CYP2J2: variants seen among roughly 807,000 people sequenced by gnomAD.
The protein encoded by CYP2J2 is cytochrome P450 2J2.
In CYP2J2, 41 loss-of-function variants were observed where a neutral mutation model predicts 48.8. The observed-to-expected ratio is 0.84, with a 90% confidence interval of 0.66 to 1.09. CYP2J2 has a LOEUF of 1.09. CYP2J2 is among the 50% of genes least tolerant of loss of function. The pLI, the probability that CYP2J2 is intolerant of heterozygous loss-of-function variation, is 0.00. For synonymous variants in CYP2J2, 221 were observed against 227.1 expected, an observed-to-expected ratio of 0.97 and a Z score of 0.24; for missense variants, 644 against 617.3, an observed-to-expected ratio of 1.04 and a Z score of -0.46.
rs777261726 is a variant in CYP2J2 at position 59,912,190 on chromosome 1, G to C, written c.495C>G (p.His165Gln). Residue 165 changes from histidine to glutamine, a missense_variant, in exon 3 of 9, where the codon CAC becomes CAG. By Grantham distance (24) the His-to-Gln change is conservative. Coordinates refer to ENST00000371204, the MANE Select transcript of CYP2J2 (RefSeq NM_000775.4). Reference protein sequence around the residue: ...LEERIQEEAQHLTEAIKEENG... With the variant: ...LEERIQEEAQQLTEAIKEENG... ...TCTCCTCTTTTATTGCTTCAGTGAG[G>C]TGTTGGGCCTCCTCCTGAATGCGTT... 6.2e-7 allele frequency: 1 copy of C among 1,613,744 alleles called. No homozygotes were observed. Among genetic ancestry groups the C allele is most frequent in the Non-Finnish European group, 8.5e-7 (1 of 1,179,798 alleles).
At chr1:59,906,122 C>T (rs1332531239) in intron 6 of CYP2J2, among the ~76,000 whole-genome samples, 1 of 152,126 alleles carries the variant, frequency 6.6e-6, no homozygotes, top group African/African-American at 2.4e-5. Flanking sequence ...GGAGGCAGAG[C>T]TTGCAGTGAG....
At chr1:59,894,915 G>GTGATAC (rs1187945286) in intron 8 of CYP2J2, among the ~76,000 whole-genome samples, 1 of 152,138 alleles carries the variant, frequency 6.6e-6, no homozygotes, top group Non-Finnish European at 1.5e-5. Flanking sequence ...ATTCTTTACT[G>GTGATAC]TGATACTTTC....
the CYP2J2 span, among the ~76,000 whole-genome samples, chr1:59,955,241 TATATATATATCC>T: frequency 0.081 from 11,048 of 136,976 alleles, 1,155 homozygotes; most frequent in African/African-American, 0.25. Flanking sequence ...CGAATAAGGA[TATATATATATCC>T]ATATATATAT....
In CYP2J2 at chr1:59,893,705, C is replaced by T; in HGVS notation, c.1455G>A (p.Met485Ile). ...NNEKLSLKFR[M>I]GITISPVSHR... The stretch of plus-strand genomic sequence containing the variant: ...GACTGACTGGGGAAATGGTGATACC[C>T]ATTCTAAACTTCAGGCTCAGCTTCT... The change falls in exon 9 of 9, where the codon ATG becomes ATA. Residue 485 changes from methionine to isoleucine, a missense_variant. Met to Ile is a conservative substitution (Grantham distance 10). Coordinates refer to ENST00000371204, the MANE Select transcript of CYP2J2 (RefSeq NM_000775.4). 6.2e-7 allele frequency: 1 copy of T among 1,613,418 alleles called. No individual in the cohort carries two copies.
the CYP2J2 span, among the ~76,000 whole-genome samples, chr1:59,945,430 CTA>C: frequency 1.7e-4 from 25 of 143,656 alleles, no homozygotes; most frequent in South Asian, 4.0e-3. Flanking sequence ...ATCTATCTAT[CTA>C]TCTATCTATC....
At chr1:59,915,657 A>G (rs1333738234) in intron 2 of CYP2J2, among the ~76,000 whole-genome samples, 2 of 152,206 alleles carry the variant, frequency 1.3e-5, no homozygotes, top group African/African-American at 4.8e-5. Flanking sequence ...TTCCTCTGCT[A>G]TAAATGGGTA....
chr1:59,894,478 A>G (rs556212041), intron 8 of CYP2J2, among the ~76,000 whole-genome samples: 19 of 152,258 alleles, frequency 1.2e-4, no homozygotes, highest in African/African-American at 4.3e-4. Flanking sequence ...GACACCTAGC[A>G]TTGCCCTGAC....
At chr1:59,967,032 T>C in the CYP2J2 span, among the ~76,000 whole-genome samples, 1 of 152,096 alleles carries the variant, frequency 6.6e-6, no homozygotes, top group African/African-American at 2.4e-5. Context: ...TATCCAACCT[T>C]CTCTGTTTTT....
the CYP2J2 span, among the ~76,000 whole-genome samples, chr1:59,956,726 T>A: frequency 1.3e-5 from 2 of 152,134 alleles, no homozygotes; most frequent in Non-Finnish European, 2.9e-5. Flanking sequence ...AAAAAATAAT[T>A]TTAAAAGGAA....
chr1:59,968,940 T>G, the CYP2J2 span, among the ~76,000 whole-genome samples: 1,717 of 152,232 alleles, frequency 0.011, 28 homozygotes, highest in African/African-American at 0.039. Flanking sequence ...CGGGGTTTCT[T>G]CCTTCTGGTG....
Position 59,901,045 on chromosome 1 carries a change from G to T in CYP2J2, c.1250C>A (p.Thr417Asn). 1 of 1,614,164 alleles carries T rather than the reference G, an allele frequency of 6.2e-7. No individual in the cohort carries two copies. Among genetic ancestry groups the T allele is most frequent in the Non-Finnish European group, 8.5e-7 (1 of 1,179,996 alleles). The part of the protein sequence containing the change: ...ALHRDPTEWA[T>N]PDTFNPDHFL... ...ATGGTCCGGATTGAATGTGTCAGGG[G>T]TGGCCCACTCTGTGGGGTCCCTGTG... Residue 417 changes from threonine (T) to asparagine (N), a missense_variant, in exon 8 of 9, where the codon ACC becomes AAC. Transcript: ENST00000371204.
chr1:59,913,513 C>A (rs953057249), intron 2 of CYP2J2, among the ~76,000 whole-genome samples: 3 of 152,146 alleles, frequency 2.0e-5, no homozygotes, highest in Non-Finnish European at 4.4e-5. Flanking sequence ...CCAACTAAAC[C>A]AAATACCTTA....
At chr1:59,902,991 T>C (rs987248393) in intron 7 of CYP2J2, among the ~76,000 whole-genome samples, 1 of 152,210 alleles carries the variant, frequency 6.6e-6, no homozygotes, top group Non-Finnish European at 1.5e-5. Flanking sequence ...CCAAGATGAT[T>C]TTTAAAGCTG....
chr1:59,900,414 C>T (rs916169876), intron 8 of CYP2J2, among the ~76,000 whole-genome samples: 4 of 152,182 alleles, frequency 2.6e-5, no homozygotes, highest in Admixed American at 2.6e-4. Flanking sequence ...GGGTGGATCA[C>T]CTGAGGTCAG....
the CYP2J2 span, among the ~76,000 whole-genome samples, chr1:59,941,063 G>A: frequency 6.6e-6 from 1 of 152,204 alleles, no homozygotes; most frequent in South Asian, 2.1e-4. Flanking sequence ...GAAGGAATAC[G>A]TTCTAATGTT....
Position 59,900,946 on chromosome 1 carries a change from C to T in CYP2J2, c.1330+19G>A, listed in dbSNP as rs755371166. ...GAGAGGGGCCCTGGACTCCCACACA[C>T]CTGTTTACTACAACTTACCTATTGA... is the stretch of plus-strand genomic sequence containing the variant. On this transcript the variant is annotated intron_variant, in intron 8 of 8. Coordinates refer to ENST00000371204, the MANE Select transcript of CYP2J2 (RefSeq NM_000775.4). The T allele has an allele frequency of 2.5e-5, 40 of 1,611,250 alleles. 1 individual carries two copies. The South Asian group carries it at 4.1e-4, about 16-fold the overall frequency.
At position 59,909,856 on chromosome 1, in the gene CYP2J2, G is replaced by T; in HGVS notation, c.789C>A (p.Asp263Glu). 6.2e-7 allele frequency: 1 copy of T among 1,611,782 alleles called. No individual in the cohort carries two copies. The highest frequency in any genetic ancestry group is 1.1e-5 in the South Asian group (1 of 90,752). The change falls in exon 5 of 9, where the codon GAC becomes GAA. Residue 263 changes from aspartate (D) to glutamate (E), a missense_variant. By Grantham distance (45) the Asp-to-Glu change is conservative (BLOSUM62 2). Transcript: ENST00000371204. ...CAGGATTCCAATCCTTTCTGTGTTTGTCAATCATATGAGAAACAAACAATT... is the reference window on the plus strand; with the variant it reads ...CAGGATTCCAATCCTTTCTGTGTTTTTCAATCATATGAGAAACAAACAATT... ...KLKLFVSHMI[D>E]KHRKDWNPAE...
At chr1:59,949,691 T>C in the CYP2J2 span, among the ~76,000 whole-genome samples, 1 of 127,986 alleles carries the variant, frequency 7.8e-6, no homozygotes, top group African/African-American at 3.0e-5. Flanking sequence ...TCTTGATCTG[T>C]GACTGGAAGC....
the CYP2J2 span, among the ~76,000 whole-genome samples, chr1:59,951,611 C>T: frequency 3.9e-5 from 6 of 152,138 alleles, no homozygotes; most frequent in African/African-American, 9.7e-5. Context: ...TAGTAATTAA[C>T]AAATACTAAA....
Sources: allele counts gnomAD v4.1 joint callset (sites outside exome capture counted in the v4.1 genomes callset), GRCh38; gene constraint gnomAD v4.1.1; transcripts MANE v1.5; gene names NCBI Gene and HGNC (gene_info 2026-07-23, HGNC 2026-07-21).